Variants in FOXP2 observed in about 807,000 individuals in gnomAD.
The protein encoded by FOXP2 is forkhead box P2.
Under a neutral mutation model 115.8 loss-of-function variants are expected in FOXP2, and 12 were observed. That is an observed-to-expected ratio of 0.10 (90% CI 0.07 to 0.17). The LOEUF is 0.17. Among genes scored for constraint, FOXP2 ranks in the 10% least tolerant of loss-of-function variants. The pLI is 1.00. For missense variants in FOXP2, 629 were observed against 843.5 expected, an observed-to-expected ratio of 0.75 and a Z score of 3.15; for synonymous variants, 328 against 297.7, an observed-to-expected ratio of 1.10 and a Z score of -1.05.
intron 2 of FOXP2, among the ~76,000 whole-genome samples, chr7:114,519,716 G>A (rs1027355547): frequency 6.6e-6 from 1 of 151,998 alleles, no homozygotes; most frequent in African/African-American, 2.4e-5. Context: ...CCTTTGAGGG[G>A]GGCAGCAAAA....
intron 1 of FOXP2, among the ~76,000 whole-genome samples, chr7:114,149,787 T>A (rs1281412455): frequency 6.6e-6 from 1 of 152,090 alleles, no homozygotes; most frequent in East Asian, 1.9e-4. Flanking sequence ...TGGATAAAAT[T>A]AGACTCAATT....
At chr7:114,452,351 A>G (rs777500503) in intron 2 of FOXP2, among the ~76,000 whole-genome samples, 26 of 152,034 alleles carry the variant, frequency 1.7e-4, no homozygotes, top group Non-Finnish European at 2.5e-4. Context: ...TGGTAATACA[A>G]TCAGATAAAG....
Position 114,593,418 on chromosome 7 carries a change from G to A in FOXP2, c.259-35122G>A, listed in dbSNP as rs74833023. Among the ~76,000 whole-genome samples, 407 of 151,954 alleles carry A rather than the reference G, an allele frequency of 2.7e-3. 1 individual carries two copies. The highest frequency in any genetic ancestry group is 7.7e-3 in the African/African-American group (321 of 41,500). On this transcript the variant is annotated intron_variant, in intron 3 of 16. Transcript: ENST00000350908. ...ACCAATTGACAAAACAACCAGCCAC[G>A]CTTGTCCATTCTATGTGTGGGCATT... is the stretch of plus-strand genomic sequence containing the variant.
At chr7:114,133,197 G>A (rs914461477) in intron 1 of FOXP2, among the ~76,000 whole-genome samples, 1 of 152,160 alleles carries the variant, frequency 6.6e-6, no homozygotes, top group East Asian at 1.9e-4. Flanking sequence ...GAGGTAAGGA[G>A]GACTTAGGGG....
At chr7:114,371,289 T>C (rs1308026930) in intron 2 of FOXP2, among the ~76,000 whole-genome samples, 4 of 150,770 alleles carry the variant, frequency 2.7e-5, no homozygotes, top group Middle Eastern at 3.4e-3. Flanking sequence ...TTTTGCCATG[T>C]TGCACAGGCT....
chr7:114,376,080 T>C (rs966096893), intron 2 of FOXP2, among the ~76,000 whole-genome samples: 1 of 152,148 alleles, frequency 6.6e-6, no homozygotes, highest in Non-Finnish European at 1.5e-5. Context: ...GTTGCCCTTC[T>C]CTGTATAATC....
chr7:114,689,587 T>C (rs1467483043), intron 16 of FOXP2, among the ~76,000 whole-genome samples, 195 bp from the exon 17 acceptor site: 1 of 152,186 alleles, frequency 6.6e-6, no homozygotes, highest in East Asian at 1.9e-4. Context: ...CACATTACTC[T>C]GAATCCCTGC....
chr7:114,170,439 CAA>C (rs1161872492), intron 1 of FOXP2, among the ~76,000 whole-genome samples: 1 of 152,096 alleles, frequency 6.6e-6, no homozygotes, highest in Non-Finnish European at 1.5e-5. Context: ...CACTTTAAAT[CAA>C]AAGTTAGAAA....
At chr7:114,573,447 T>G (rs1563008126) in intron 3 of FOXP2, among the ~76,000 whole-genome samples, 2 of 151,762 alleles carry the variant, frequency 1.3e-5, no homozygotes, top group Non-Finnish European at 1.5e-5. Context: ...GTAAGAGTAC[T>G]GGTGGGCTAA....
chr7:114,289,185 G>A lies in FOXP2; in HGVS notation c.-11+1076G>A, dbSNP rs148677364. Among the ~76,000 whole-genome samples the A allele has an allele frequency of 4.8e-3, 723 of 151,810 alleles. 9 individuals carry two copies. Among genetic ancestry groups the A allele is most frequent in the African/African-American group, 0.016 (681 of 41,486 alleles). Reference sequence around the variant, plus strand: ...ACCAGTTTTAGTATTTTACCAGATAGACATTAAAATGATCCCACATTTATC... The same window carrying A: ...ACCAGTTTTAGTATTTTACCAGATAAACATTAAAATGATCCCACATTTATC... On this transcript the variant is annotated intron_variant, in intron 2 of 17. Coordinates refer to the FOXP2 transcript ENST00000634411.
chr7:114,223,864 T>A (rs1030973542), intron 1 of FOXP2, among the ~76,000 whole-genome samples: 113 of 151,966 alleles, frequency 7.4e-4, no homozygotes, highest in Non-Finnish European at 1.1e-3. Flanking sequence ...ATCAAAAAAA[T>A]TTTTTTATGG....
chr7:114,196,577 T>C (rs1793914377), intron 1 of FOXP2, among the ~76,000 whole-genome samples: 1 of 152,222 alleles, frequency 6.6e-6, no homozygotes, highest in African/African-American at 2.4e-5. Flanking sequence ...CTTAGTGTTC[T>C]TAATAGACTG....
At chr7:114,586,591 A>T (rs976428455) in intron 3 of FOXP2, among the ~76,000 whole-genome samples, 1 of 152,052 alleles carries the variant, frequency 6.6e-6, no homozygotes, top group African/African-American at 2.4e-5. Flanking sequence ...ATTTGCTTTT[A>T]TTTAATTTTT....
At chr7:114,094,022 T>A (rs1584474828) in intron 1 of FOXP2, among the ~76,000 whole-genome samples, 1 of 152,304 alleles carries the variant, frequency 6.6e-6, no homozygotes, top group East Asian at 1.9e-4. Flanking sequence ...AAGCCAAGTA[T>A]TTCTGTTATT....
chr7:114,404,899 T>A (rs571278290), intron 2 of FOXP2, among the ~76,000 whole-genome samples: 3 of 152,122 alleles, frequency 2.0e-5, no homozygotes, highest in African/African-American at 7.2e-5. Flanking sequence ...TCCCTGCTGT[T>A]CGTGGTATTT....
At chr7:114,671,840 G>A (rs1278686058) in intron 16 of FOXP2, among the ~76,000 whole-genome samples, 1 of 152,086 alleles carries the variant, frequency 6.6e-6, no homozygotes, top group African/African-American at 2.4e-5. Context: ...TTATGTGAAG[G>A]TAATTTACAT....
intron 1 of FOXP2, among the ~76,000 whole-genome samples, chr7:114,257,629 A>G (rs1244832381): frequency 6.6e-6 from 1 of 151,344 alleles, no homozygotes; most frequent in Non-Finnish European, 1.5e-5. Context: ...AGTTTTTTGT[A>G]TTTTTAGTAG....
intron 2 of FOXP2, 61 bp from the exon 3 acceptor site, chr7:114,534,556 A>T: frequency 7.5e-7 from 1 of 1,328,014 alleles, no homozygotes; most frequent in Non-Finnish European, 1.1e-6. Flanking sequence ...ATTAACCAAG[A>T]GATAATTGAT....
At chr7:114,326,427 G>A (rs1220660122) in intron 2 of FOXP2, among the ~76,000 whole-genome samples, 3 of 152,080 alleles carry the variant, frequency 2.0e-5, no homozygotes, top group Non-Finnish European at 4.4e-5. Context: ...TGGGAAGAGT[G>A]AAAATCGTTT....
Sources: gnomAD v4.1 joint callset for allele counts (sites outside exome capture counted in the v4.1 genomes callset) on GRCh38, gnomAD v4.1.1 for gene constraint, MANE v1.5 for transcripts, NCBI Gene and HGNC (gene_info 2026-07-23, HGNC 2026-07-21) for gene names.